Variants in QDPR observed in about 807,000 individuals in gnomAD.
QDPR encodes quinoid dihydropteridine reductase.
In QDPR, 23 loss-of-function variants were observed where a neutral mutation model predicts 31.7. That is an observed-to-expected ratio of 0.73 (90% confidence interval 0.52 to 1.03). The LOEUF (loss-of-function observed/expected upper bound fraction) is 1.03, where lower values mean the gene tolerates loss of function less well. QDPR is among the 50% of genes least tolerant of loss of function. The probability of loss-of-function intolerance (pLI) is 0.00; values close to 1 mark genes in which losing one functional copy is unlikely to be tolerated. For synonymous variants in QDPR, 124 were observed against 124.7 expected (o/e 0.99, Z 0.03); for missense variants, 324 against 323.8 (o/e 1.00, Z 0.00).
intron 4 of QDPR, among the ~76,000 whole-genome samples, chr4:17,498,719 C>T (rs1441798807): frequency 2.0e-5 from 3 of 152,122 alleles, no homozygotes; most frequent in Non-Finnish European, 4.4e-5. Context: ...AAGTGAACAC[C>T]ATTTTAATAC....
intron 3 of QDPR, among the ~76,000 whole-genome samples, chr4:17,503,456 C>T (rs528655254): frequency 1.1e-4 from 17 of 152,182 alleles, no homozygotes; most frequent in African/African-American, 3.6e-4. Flanking sequence ...TGGAGAAACA[C>T]GCGGAAATAT....
chr4:17,499,235 G>A (rs927562817), intron 4 of QDPR, among the ~76,000 whole-genome samples: 3 of 152,208 alleles, frequency 2.0e-5, no homozygotes, highest in African/African-American at 7.2e-5. Flanking sequence ...GTCACAGTAA[G>A]TGGCAGAGCC....
intron 6 of QDPR, among the ~76,000 whole-genome samples, chr4:17,489,002 G>GT (rs1051419190): frequency 2.8e-4 from 42 of 152,116 alleles, no homozygotes; most frequent in African/African-American, 1.0e-3. Flanking sequence ...TTGTTGTTTT[G>GT]TTTTTTTATA....
chr4:17,504,854 C>T (rs1718702106), intron 2 of QDPR, among the ~76,000 whole-genome samples: 1 of 152,152 alleles, frequency 6.6e-6, no homozygotes, highest in South Asian at 2.1e-4. Flanking sequence ...TTTCCAGACT[C>T]TCTTCACAAA....
chr4:17,490,621 G>T, intron 6 of QDPR, 41 bp downstream of exon 6: 1 of 1,501,544 alleles, frequency 6.7e-7, no homozygotes, highest in Non-Finnish European at 9.3e-7. Flanking sequence ...GAGAATAGGG[G>T]CTGGAAGCTG....
intron 2 of QDPR, among the ~76,000 whole-genome samples, chr4:17,506,718 C>T (rs1216988695): frequency 6.6e-6 from 1 of 152,134 alleles, no homozygotes; most frequent in African/African-American, 2.4e-5. Flanking sequence ...ACAATGATGC[C>T]ATGTCAACTT....
chr4:17,493,598 A>T (rs1424818748), intron 4 of QDPR, among the ~76,000 whole-genome samples: 2 of 152,122 alleles, frequency 1.3e-5, no homozygotes, highest in African/African-American at 4.8e-5. Context: ...CTGGTTTATT[A>T]TAAAGGATAC....
intron 4 of QDPR, among the ~76,000 whole-genome samples, chr4:17,496,442 CAAAAAAAAAAAA>C (rs747311750): frequency 0.35 from 22,783 of 65,838 alleles, 2,726 homozygotes; most frequent in Middle Eastern, 0.45. Context: ...AAAACTGTCT[CAAAAAAAAAAAA>C]AAAAAAAAAA....
chr4:17,495,552 A>G (rs1165913891), intron 4 of QDPR, among the ~76,000 whole-genome samples: 2 of 152,318 alleles, frequency 1.3e-5, no homozygotes, highest in East Asian at 1.9e-4. Context: ...ATGGGATCCA[A>G]TGCTAAGCTA....
intron 4 of QDPR, 29 bp from the exon 5 acceptor site, chr4:17,492,369 G>T: frequency 1.3e-6 from 2 of 1,568,168 alleles, no homozygotes; most frequent in South Asian, 2.2e-5. Context: ...ATGGCTCAGT[G>T]ACCACTGGCG....
intron 2 of QDPR, among the ~76,000 whole-genome samples, chr4:17,504,891 A>T (rs1010496334): frequency 6.6e-6 from 1 of 152,344 alleles, no homozygotes; most frequent in Middle Eastern, 3.4e-3. Flanking sequence ...CAAAAAGAAG[A>T]TCAACCCTGT....
chr4:17,500,228 C>T (rs887057519), intron 4 of QDPR, among the ~76,000 whole-genome samples: 2 of 152,094 alleles, frequency 1.3e-5, no homozygotes, highest in East Asian at 3.9e-4. Context: ...TCTGGGATTA[C>T]AGGTGTGAGC....
chr4:17,511,777 A>G (rs1719018335), intron 1 of QDPR, among the ~76,000 whole-genome samples, 173 bp downstream of exon 1: 2 of 152,194 alleles, frequency 1.3e-5, no homozygotes, highest in South Asian at 4.2e-4. Flanking sequence ...TGGCGTGCGC[A>G]CGCACTCGGA....
intron 5 of QDPR, 45 bp from the exon 6 acceptor site, chr4:17,490,790 T>C: frequency 6.7e-7 from 1 of 1,503,276 alleles, no homozygotes; most frequent in Non-Finnish European, 9.2e-7. Context: ...CGCTCCTTTC[T>C]AACAACAGGT....
chr4:17,511,353 T>C (rs937294004), intron 1 of QDPR, among the ~76,000 whole-genome samples: 5 of 152,200 alleles, frequency 3.3e-5, no homozygotes, highest in Non-Finnish European at 7.3e-5. Flanking sequence ...CGTTTTTCCG[T>C]GCTGAGCCTT....
chr4:17,493,178 C>G (rs889705693), intron 4 of QDPR, among the ~76,000 whole-genome samples: 1 of 152,132 alleles, frequency 6.6e-6, no homozygotes, highest in Non-Finnish European at 1.5e-5. Flanking sequence ...TGTGGTGCCT[C>G]GTGCCTTTAA....
chr4:17,503,998 A>G (rs1306714379), intron 3 of QDPR, among the ~76,000 whole-genome samples: 1 of 152,034 alleles, frequency 6.6e-6, no homozygotes, highest in Non-Finnish European at 1.5e-5. Flanking sequence ...GGGAAGGGAA[A>G]AGAAAAGATG....
At chr4:17,508,323 C>A (rs1718861499) in intron 2 of QDPR, among the ~76,000 whole-genome samples, 1 of 152,138 alleles carries the variant, frequency 6.6e-6, no homozygotes, top group Non-Finnish European at 1.5e-5. Flanking sequence ...CCTGTAATCC[C>A]AGCTACTCAG....
chr4:17,504,966 G>T (rs553319395), intron 2 of QDPR, among the ~76,000 whole-genome samples: 2 of 152,160 alleles, frequency 1.3e-5, no homozygotes, highest in East Asian at 1.9e-4. Context: ...ACGAAAAATT[G>T]TAAGAAAAAT....
Sources: gnomAD v4.1 joint callset for allele counts (sites outside exome capture counted in the v4.1 genomes callset) on GRCh38, gnomAD v4.1.1 for gene constraint, MANE v1.5 for transcripts, NCBI Gene and HGNC (gene_info 2026-07-23, HGNC 2026-07-21) for gene names.